RNF43: variants seen among roughly 807,000 people sequenced by gnomAD.
RNF43 encodes the protein ring finger protein 43.
A neutral mutation model predicts 78.4 loss-of-function variants in RNF43; 37 were observed. The ratio of observed to expected loss-of-function variants is 0.47; its 90% CI spans 0.36 to 0.62. The LOEUF (loss-of-function observed/expected upper bound fraction) is 0.62, where lower values mean the gene tolerates loss of function less well. Among genes scored for constraint, RNF43 ranks in the 20% least tolerant of loss-of-function variants. The pLI, the probability that RNF43 is intolerant of heterozygous loss-of-function variation, is 0.00. For missense variants in RNF43, 774 were observed against 1,007.9 expected, an observed-to-expected ratio of 0.77 and a Z score of 3.14; for synonymous variants, 347 against 395.0, an observed-to-expected ratio of 0.88 and a Z score of 1.44.
At position 58,396,736 on chromosome 17, in the gene RNF43, A is replaced by G. The variant is rs1385518202; in HGVS notation, c.252+18590T>C. ...AGGATTTAGAATATTCTCTCTATAGAATATATACAATATGGAATATGTATA... is the reference window on the plus strand; with the variant it reads ...AGGATTTAGAATATTCTCTCTATAGGATATATACAATATGGAATATGTATA... On this transcript the variant is annotated intron_variant, in intron 2 of 9. Coordinates refer to ENST00000407977, the MANE Select transcript of RNF43 (RefSeq NM_017763.6). 3.9e-5 allele frequency among the ~76,000 whole-genome samples: 6 copies of G among 152,190 alleles called. No homozygotes were observed. In the East Asian group the frequency reaches 1.2e-3, roughly 29 times the overall value.
intron 2 of RNF43, among the ~76,000 whole-genome samples, chr17:58,391,803 C>T (rs2143605191): frequency 6.6e-6 from 1 of 152,258 alleles, no homozygotes; most frequent in South Asian, 2.1e-4. Context: ...CTCTGTCTCT[C>T]CAGAGGCCAA....
In RNF43 at chr17:58,411,642, C is replaced by T. The variant is rs143383277; in HGVS notation, c.252+3684G>A. ...TGGAGTCTAAGAAAATCCAGGATAACCAGCTGAGCAGGAAGAGTGTGATAG... is the reference window on the plus strand; with the variant it reads ...TGGAGTCTAAGAAAATCCAGGATAATCAGCTGAGCAGGAAGAGTGTGATAG... On this transcript the variant is annotated intron_variant, in intron 2 of 9. Transcript: ENST00000407977. 2.5e-3 allele frequency among the ~76,000 whole-genome samples: 377 copies of T among 152,198 alleles called. 1 individual carries two copies. Among genetic ancestry groups the T allele is most frequent in the Non-Finnish European group, 3.3e-3 (226 of 68,014 alleles).
At chr17:58,379,650 T>G (rs1283152726) in intron 2 of RNF43, among the ~76,000 whole-genome samples, 1 of 152,206 alleles carries the variant, frequency 6.6e-6, no homozygotes, top group Non-Finnish European at 1.5e-5. Context: ...GGGGTTCTCC[T>G]GACCCCACAC....
At chr17:58,413,131 G>C (rs141198145) in intron 2 of RNF43, among the ~76,000 whole-genome samples, 99 of 152,276 alleles carry the variant, frequency 6.5e-4, no homozygotes, top group African/African-American at 2.2e-3. Flanking sequence ...AACCACAGTT[G>C]AGTAAACCTG....
intron 9 of RNF43, among the ~76,000 whole-genome samples, chr17:58,356,056 C>A (rs1972678831): frequency 2.0e-5 from 3 of 152,196 alleles, no homozygotes; most frequent in Non-Finnish European, 4.4e-5. Context: ...GTGGTACTGG[C>A]AGCACTCAAA....
chr17:58,413,006 A>G (rs1974054339), intron 2 of RNF43, among the ~76,000 whole-genome samples: 2 of 152,170 alleles, frequency 1.3e-5, no homozygotes, highest in African/African-American at 4.8e-5. Flanking sequence ...CGAAGAGAAG[A>G]CTACTTTTAG....
chr17:58,392,036 T>G (rs1454760394), intron 2 of RNF43, among the ~76,000 whole-genome samples: 2 of 152,102 alleles, frequency 1.3e-5, no homozygotes, highest in Non-Finnish European at 1.5e-5. Context: ...CACCACATAA[T>G]AGAGCAAGCA....
rs890948005 is a variant in RNF43 at position 58,353,925 on chromosome 17, C to T, written c.*1018G>A. 1 of 185,252 alleles carries T rather than the reference C, an allele frequency of 5.4e-6. No homozygotes were observed. The highest frequency in any genetic ancestry group is 2.4e-5 in the African/African-American group (1 of 42,542). The allele number at this position is 185,252 out of a possible 1,614,324, so 11.5% of individuals were successfully genotyped here. On this transcript the variant is annotated 3_prime_UTR_variant, in exon 10 of 10. Transcript: ENST00000407977. ...GGGGTGAATGTCACCCTGATGAGGCCCATCAGCTCTTGTCCACTCAGTGAG... is the reference window on the plus strand; with the variant it reads ...GGGGTGAATGTCACCCTGATGAGGCTCATCAGCTCTTGTCCACTCAGTGAG...
At chr17:58,410,015 C>T (rs1598169539) in intron 2 of RNF43, among the ~76,000 whole-genome samples, 2 of 151,866 alleles carry the variant, frequency 1.3e-5, no homozygotes, top group East Asian at 1.9e-4. Flanking sequence ...CCCCCAGCCC[C>T]GCCCCCCACC....
At chr17:58,396,516 G>A (rs1278987562) in intron 2 of RNF43, among the ~76,000 whole-genome samples, 1 of 152,180 alleles carries the variant, frequency 6.6e-6, no homozygotes, top group African/African-American at 2.4e-5. Context: ...GAGTGGAAGA[G>A]GGGACTTGAG....
At chr17:58,370,189 C>T (rs1220738265) in intron 3 of RNF43, among the ~76,000 whole-genome samples, 2 of 151,768 alleles carry the variant, frequency 1.3e-5, no homozygotes, top group African/African-American at 4.8e-5. Flanking sequence ...CTGCCTCAGC[C>T]TCCTGAGTAG....
At chr17:58,353,327 C>T (rs1291108379), downstream of RNF43, 3 of 211,164 alleles carry the variant, frequency 1.4e-5, no homozygotes, top group Non-Finnish European at 2.9e-5. Flanking sequence ...CCTGCAACAA[C>T]TATTAAGTAG....
At chr17:58,391,426 A>C (rs969528843) in intron 2 of RNF43, among the ~76,000 whole-genome samples, 6 of 152,168 alleles carry the variant, frequency 3.9e-5, no homozygotes, top group Non-Finnish European at 8.8e-5. Flanking sequence ...TCCAATGCTG[A>C]AAGTTTGAAA....
chr17:58,367,329 A>C (rs1351329215), intron 3 of RNF43, among the ~76,000 whole-genome samples: 1 of 152,026 alleles, frequency 6.6e-6, no homozygotes, highest in African/African-American at 2.4e-5. Flanking sequence ...TATTAATACT[A>C]TGTGTTTCCG....
intron 2 of RNF43, among the ~76,000 whole-genome samples, chr17:58,399,467 G>A (rs1037605949): frequency 6.6e-6 from 1 of 152,126 alleles, no homozygotes; most frequent in African/African-American, 2.4e-5. Flanking sequence ...CTATAGAATC[G>A]TATCTGCTGA....
chr17:58,396,460 G>C (rs1973682500), intron 2 of RNF43, among the ~76,000 whole-genome samples: 1 of 152,110 alleles, frequency 6.6e-6, no homozygotes, highest in Non-Finnish European at 1.5e-5. Flanking sequence ...TCTGTGAGGA[G>C]GTCAGATTTA....
intron 2 of RNF43, among the ~76,000 whole-genome samples, chr17:58,393,421 T>C (rs1369743546): frequency 6.6e-6 from 1 of 152,106 alleles, no homozygotes; most frequent in Non-Finnish European, 1.5e-5. Flanking sequence ...AAAAAAATTC[T>C]CTTATGATTT....
chr17:58,359,281 T>C (rs1029941489), intron 8 of RNF43, among the ~76,000 whole-genome samples: 1 of 152,120 alleles, frequency 6.6e-6, no homozygotes, highest in Non-Finnish European at 1.5e-5. Flanking sequence ...TGCCATGAAA[T>C]ACAAATAATT....
chr17:58,387,449 G>A (rs1186021079), intron 2 of RNF43, among the ~76,000 whole-genome samples: 3 of 152,036 alleles, frequency 2.0e-5, no homozygotes, highest in Admixed American at 6.6e-5. Context: ...TCAGAAGTTC[G>A]AGACCAGCCT....
Sources: allele counts gnomAD v4.1 joint callset (sites outside exome capture counted in the v4.1 genomes callset), GRCh38; gene constraint gnomAD v4.1.1; transcripts MANE v1.5; gene names NCBI Gene and HGNC (gene_info 2026-07-23, HGNC 2026-07-21).